GLIS1: variants seen among roughly 807,000 people sequenced by gnomAD.
The protein encoded by GLIS1 is GLIS family zinc finger 1.
Under a neutral mutation model 63.8 loss-of-function variants are expected in GLIS1, and 24 were observed. The observed-to-expected ratio is 0.38, with a 90% CI of 0.27 to 0.53. The LOEUF (loss-of-function observed/expected upper bound fraction) is 0.53, where lower values mean the gene tolerates loss of function less well. GLIS1 is among the 20% of genes least tolerant of loss of function. The pLI, the probability that GLIS1 is intolerant of heterozygous loss-of-function variation, is 0.85. For missense variants in GLIS1, 1,036 were observed against 1,074.1 expected, an observed-to-expected ratio of 0.96 and a Z score of 0.50; for synonymous variants, 450 against 482.5, an observed-to-expected ratio of 0.93 and a Z score of 0.88.
At chr1:53,604,108 A>G (rs909790707) in intron 2 of GLIS1, among the ~76,000 whole-genome samples, 8 of 152,276 alleles carry the variant, frequency 5.3e-5, no homozygotes, top group Admixed American at 3.9e-4. Context: ...TGCATTTGGC[A>G]TGAGGCCTAG....
intron 2 of GLIS1, among the ~76,000 whole-genome samples, chr1:53,642,391 T>C (rs1645796802): frequency 6.6e-6 from 1 of 152,170 alleles, no homozygotes; most frequent in African/African-American, 2.4e-5. Flanking sequence ...TACTCTGCAG[T>C]GCTGTCAGAG....
chr1:53,653,323 ATGGTT>A (rs1645928930), intron 2 of GLIS1, among the ~76,000 whole-genome samples: 1 of 152,146 alleles, frequency 6.6e-6, no homozygotes, highest in African/African-American at 2.4e-5. Flanking sequence ...TCCTCTTCCC[ATGGTT>A]TGGTGTGCCT....
Position 53,514,786 on chromosome 1 carries a change from A to G in GLIS1, c.1727-5T>C. The G allele has an allele frequency of 1.3e-6, 2 of 1,578,274 alleles. No homozygotes were observed. The highest frequency in any genetic ancestry group is 1.7e-6 in the Non-Finnish European group (2 of 1,162,484). On this transcript the variant is annotated splice_polypyrimidine_tract_variant and splice_region_variant and intron_variant, in intron 7 of 10. Coordinates refer to ENST00000628545, the MANE Select transcript of GLIS1 (RefSeq NM_001367484.1). ...TGATGGAGCCAGGATACACACCTGC[A>G]GGGAATCAAACAAGGCTCACTGGAC...
intron 2 of GLIS1, among the ~76,000 whole-genome samples, chr1:53,622,626 C>A (rs1389403467): frequency 6.6e-6 from 1 of 152,064 alleles, no homozygotes; most frequent in African/African-American, 2.4e-5. Flanking sequence ...GAGAGACATA[C>A]ACAGGAGAGA....
chr1:53,595,660 T>C (rs7551844), intron 3 of GLIS1, among the ~76,000 whole-genome samples: 81,377 of 152,160 alleles, frequency 0.53, 24,859 homozygotes, highest in Admixed American at 0.69. Context: ...GGCTGGCATT[T>C]TGAGGAACAC....
chr1:53,509,048 G>T, intron 10 of GLIS1, 72 bp downstream of exon 10: 1 of 1,399,574 alleles, frequency 7.1e-7, no homozygotes, highest in South Asian at 1.4e-5. Flanking sequence ...AGGACAGCAC[G>T]TATGCAGCAC....
chr1:53,709,440 AC>A (rs1321520950), intron 2 of GLIS1, among the ~76,000 whole-genome samples: 1 of 148,986 alleles, frequency 6.7e-6, no homozygotes, highest in Non-Finnish European at 1.5e-5. Flanking sequence ...ACACACACAC[AC>A]ACTTGTTGAT....
chr1:53,723,402 C>T (rs1468326213), intron 2 of GLIS1, among the ~76,000 whole-genome samples: 2 of 151,812 alleles, frequency 1.3e-5, no homozygotes, highest in Non-Finnish European at 2.9e-5. Context: ...CTATGCTCAT[C>T]TAATTTTTGT....
chr1:53,626,803 C>A (rs552535062), intron 2 of GLIS1, among the ~76,000 whole-genome samples: 5 of 152,392 alleles, frequency 3.3e-5, no homozygotes, highest in Non-Finnish European at 7.3e-5. Context: ...CCCGCATCAT[C>A]TGGCTCCCGT....
intron 4 of GLIS1, among the ~76,000 whole-genome samples, chr1:53,571,595 G>A (rs1003988615): frequency 7.0e-6 from 1 of 142,942 alleles, no homozygotes; most frequent in African/African-American, 2.7e-5. Flanking sequence ...TTTTTTTTTT[G>A]AGACAGAGTC....
chr1:53,722,456 A>G (rs912601505), intron 2 of GLIS1, among the ~76,000 whole-genome samples: 1 of 152,236 alleles, frequency 6.6e-6, no homozygotes, highest in African/African-American at 2.4e-5. Context: ...GAGAAGAGGA[A>G]GGCGCTCTCT....
intron 2 of GLIS1, among the ~76,000 whole-genome samples, chr1:53,669,748 C>T (rs985869484): frequency 3.9e-5 from 6 of 152,216 alleles, no homozygotes; most frequent in African/African-American, 1.4e-4. Flanking sequence ...CCCACATAGA[C>T]TGGGACTCCC....
At chr1:53,697,238 G>A (rs1344971001) in intron 2 of GLIS1, among the ~76,000 whole-genome samples, 1 of 152,216 alleles carries the variant, frequency 6.6e-6, no homozygotes, top group Non-Finnish European at 1.5e-5. Context: ...ATGCCAACCT[G>A]AGTGGGTCAC....
chr1:53,612,802 T>C lies in GLIS1; in HGVS notation c.260-12524A>G, dbSNP rs184007575. ...CTTGGTCCCTCAAGTCCTAGCTGTCTCATTAGTTCTTTGATGCCTTTTTTT... is the reference window on the plus strand; with the variant it reads ...CTTGGTCCCTCAAGTCCTAGCTGTCCCATTAGTTCTTTGATGCCTTTTTTT... On this transcript the variant is annotated intron_variant, in intron 2 of 10. Transcript: ENST00000628545. Among the ~76,000 whole-genome samples, 30 of 148,056 alleles carry C rather than the reference T, an allele frequency of 2.0e-4. No individual in the cohort carries two copies. The East Asian group carries it at 5.8e-3, about 29-fold the overall frequency.
At chr1:53,573,473 G>T (rs1338630564) in intron 4 of GLIS1, among the ~76,000 whole-genome samples, 3 of 152,084 alleles carry the variant, frequency 2.0e-5, no homozygotes, top group Non-Finnish European at 4.4e-5. Context: ...CCCTCCTCAG[G>T]CTTATAGAGC....
intron 2 of GLIS1, among the ~76,000 whole-genome samples, chr1:53,713,702 C>T (rs1646669610): frequency 6.6e-6 from 1 of 152,214 alleles, no homozygotes; most frequent in Admixed American, 6.5e-5. Flanking sequence ...GTTGAGGCTG[C>T]AGTGAGCTGT....
At chr1:53,568,507 T>C (rs1257361068) in intron 4 of GLIS1, among the ~76,000 whole-genome samples, 2 of 152,162 alleles carry the variant, frequency 1.3e-5, no homozygotes, top group Non-Finnish European at 2.9e-5. Context: ...TTTTTAAATG[T>C]GAGAAGGACA....
At chr1:53,568,989 C>T (rs1644959590) in intron 4 of GLIS1, among the ~76,000 whole-genome samples, 1 of 152,144 alleles carries the variant, frequency 6.6e-6, no homozygotes, top group Non-Finnish European at 1.5e-5. Context: ...AAGGAATGAG[C>T]TATTGAGCTA....
chr1:53,691,056 G>A (rs956596709), intron 2 of GLIS1, among the ~76,000 whole-genome samples: 2 of 152,142 alleles, frequency 1.3e-5, no homozygotes, highest in East Asian at 3.9e-4. Flanking sequence ...CACACTGCCT[G>A]TCAAAAAGGA....
Sources: gnomAD v4.1 joint callset for allele counts (sites outside exome capture counted in the v4.1 genomes callset) on GRCh38, gnomAD v4.1.1 for gene constraint, MANE v1.5 for transcripts, NCBI Gene and HGNC (gene_info 2026-07-23, HGNC 2026-07-21) for gene names.